The following MAPKAP1 variants were observed in gnomAD, a reference collection of about 807,000 sequenced individuals.
The protein encoded by MAPKAP1 is MAPK associated protein 1.
MAPKAP1 carries 20 observed loss-of-function variants against 65.7 expected under a neutral mutation model. The observed-to-expected ratio is 0.30, with a 90% CI of 0.21 to 0.44. MAPKAP1 has a LOEUF of 0.44. MAPKAP1 is among the 20% of genes least tolerant of loss of function. The probability of loss-of-function intolerance (pLI) is 1.00; values close to 1 mark genes in which losing one functional copy is unlikely to be tolerated. For missense variants in MAPKAP1, 423 were observed against 648.0 expected, an observed-to-expected ratio of 0.65 and a Z score of 3.77; for synonymous variants, 222 against 244.3, an observed-to-expected ratio of 0.91 and a Z score of 0.85.
chr9:125,498,833 T>C (rs1471208493), intron 8 of MAPKAP1, among the ~76,000 whole-genome samples: 2 of 152,090 alleles, frequency 1.3e-5, no homozygotes, highest in Non-Finnish European at 2.9e-5. Context: ...CCACTCTCCT[T>C]CCCTTTCCAT....
intron 1 of MAPKAP1, among the ~76,000 whole-genome samples, chr9:125,696,632 A>G (rs1385403603): frequency 6.6e-6 from 1 of 152,106 alleles, no homozygotes. Flanking sequence ...AAAAACCTTA[A>G]GCTTATCTAG....
Position 125,585,681 on chromosome 9 carries a change from G to C in MAPKAP1, c.545C>G (p.Pro182Arg). 6.2e-7 allele frequency: 1 copy of C among 1,614,260 alleles called. No homozygotes were observed. Among genetic ancestry groups the C allele is most frequent in the Non-Finnish European group, 8.5e-7 (1 of 1,180,050 alleles). The change falls in exon 5 of 12, where the codon CCT becomes CGT. Residue 182 changes from proline to arginine, a missense_variant. Physicochemically the swap from Pro to Arg is moderately radical, Grantham distance 103. This residue lies in a region of MAPKAP1 where 98 missense variants were observed against 200.5 expected (regional missense o/e 0.49). Coordinates refer to ENST00000265960, the MANE Select transcript of MAPKAP1 (RefSeq NM_001006617.3). The part of the protein sequence containing the change: ...TATKKIDVYL[P>R]LHSSQDRLLP... Reference sequence around the variant, plus strand: ...CAGTCTGTCCTGGCTCGAGTGCAGAGGGAGGTAGACATCGATCTTCTTGGT... The same window carrying C: ...CAGTCTGTCCTGGCTCGAGTGCAGACGGAGGTAGACATCGATCTTCTTGGT...
At chr9:125,703,897 G>A (rs945670701) in intron 1 of MAPKAP1, among the ~76,000 whole-genome samples, 8 of 152,128 alleles carry the variant, frequency 5.3e-5, no homozygotes, top group African/African-American at 1.9e-4. Flanking sequence ...ATTATCTTAG[G>A]CTGAATCATA....
At chr9:125,659,977 T>C (rs1024390400) in intron 3 of MAPKAP1, among the ~76,000 whole-genome samples, 2 of 152,202 alleles carry the variant, frequency 1.3e-5, no homozygotes, top group African/African-American at 2.4e-5. Context: ...CTTGGCAGCA[T>C]TTGACACGGT....
intron 2 of MAPKAP1, 26 bp downstream of exon 2, chr9:125,672,290 A>C: frequency 6.2e-7 from 1 of 1,610,952 alleles, no homozygotes; most frequent in Non-Finnish European, 8.5e-7. Context: ...AAAGCTCAGA[A>C]GACATGACTA....
rs748946505 is a variant in MAPKAP1, at chr9:125,484,528, T to C, written c.1122A>G (p.Val374=). The C allele has an allele frequency of 4.2e-5, 68 of 1,612,664 alleles. No individual in the cohort carries two copies. Among genetic ancestry groups the C allele is most frequent in the Non-Finnish European group, 5.5e-5 (65 of 1,179,386 alleles). Residue 374 remains valine (V), a synonymous_variant, in exon 9 of 12, where the codon GTA becomes GTG. Transcript: ENST00000265960. The part of the protein sequence containing the change: ...EEDSQIDIAT[V]QDMLSSHHYK... ...AATGGTGGCTGCTAAGCATATCCTGTACTGTGGCTATGTCAATTTGCGAAT... is the reference window on the plus strand; with the variant it reads ...AATGGTGGCTGCTAAGCATATCCTGCACTGTGGCTATGTCAATTTGCGAAT...
At chr9:125,632,174 A>G (rs985029272) in intron 4 of MAPKAP1, among the ~76,000 whole-genome samples, 1 of 149,754 alleles carries the variant, frequency 6.7e-6, no homozygotes, top group African/African-American at 2.5e-5. Context: ...GTGAGCTGAG[A>G]TCACGCCACT....
Position 125,438,730 on chromosome 9 carries a change from G to A in MAPKAP1, c.*157C>T, listed in dbSNP as rs1852375111. The A allele has an allele frequency of 3.1e-6, 3 of 975,556 alleles. No homozygotes were observed. Among genetic ancestry groups the A allele is most frequent in the Non-Finnish European group, 4.5e-6 (3 of 659,580 alleles). 60.4% of individuals were successfully genotyped at this position (975,556 alleles called of 1,614,324 possible). On this transcript the variant is annotated 3_prime_UTR_variant, in exon 12 of 12. Coordinates refer to ENST00000265960, the MANE Select transcript of MAPKAP1 (RefSeq NM_001006617.3). ...TGTCCCCAGCGCTCCCTCCTAGGGG[G>A]CCCCCGACACCTTCCCCGAGAGCCC...
chr9:125,688,816 C>A (rs1016061453), intron 1 of MAPKAP1, among the ~76,000 whole-genome samples: 1 of 152,178 alleles, frequency 6.6e-6, no homozygotes, highest in Non-Finnish European at 1.5e-5. Context: ...TTCTATAAAT[C>A]AGTAAACTTC....
At chr9:125,685,327 C>A (rs1222953150) in intron 1 of MAPKAP1, among the ~76,000 whole-genome samples, 2 of 152,126 alleles carry the variant, frequency 1.3e-5, no homozygotes, top group East Asian at 3.9e-4. Flanking sequence ...TGACTTAACA[C>A]CTGAAGGAGG....
At chr9:125,505,519 G>A (rs576102374) in intron 8 of MAPKAP1, among the ~76,000 whole-genome samples, 7 of 152,272 alleles carry the variant, frequency 4.6e-5, no homozygotes, top group Admixed American at 1.3e-4. Flanking sequence ...CACACGCGAC[G>A]GAGAAAAAGT....
intron 10 of MAPKAP1, among the ~76,000 whole-genome samples, chr9:125,457,300 T>C (rs2132958957): frequency 6.6e-6 from 1 of 152,326 alleles, no homozygotes; most frequent in South Asian, 2.1e-4. Flanking sequence ...ATTTAGTGAA[T>C]TTTTTGATTC....
chr9:125,706,509 C>G (rs117810489), intron 1 of MAPKAP1, among the ~76,000 whole-genome samples: 3,948 of 152,088 alleles, frequency 0.026, 72 homozygotes, highest in Non-Finnish European at 0.04. Flanking sequence ...CTCCTTGCCA[C>G]TCCCATAAAC....
chr9:125,479,959 G>A (rs141853871), intron 9 of MAPKAP1, among the ~76,000 whole-genome samples: 6 of 152,288 alleles, frequency 3.9e-5, no homozygotes, highest in Admixed American at 2.6e-4. Flanking sequence ...GAAGCACCTG[G>A]CTAGTCAGGT....
At chr9:125,529,262 A>T (rs1829867501) in intron 7 of MAPKAP1, among the ~76,000 whole-genome samples, 1 of 152,036 alleles carries the variant, frequency 6.6e-6, no homozygotes, top group Admixed American at 6.5e-5. Flanking sequence ...TTCCTATCAA[A>T]TGTGTTTTAT....
intron 7 of MAPKAP1, among the ~76,000 whole-genome samples, chr9:125,520,728 C>T (rs1829594210): frequency 6.6e-6 from 1 of 152,210 alleles, no homozygotes; most frequent in East Asian, 1.9e-4. Flanking sequence ...ACAAGCCCAT[C>T]CTGCTTAGTT....
chr9:125,520,699 G>GT (rs1313278892), intron 7 of MAPKAP1, among the ~76,000 whole-genome samples: 3 of 152,198 alleles, frequency 2.0e-5, no homozygotes, highest in African/African-American at 7.2e-5. Flanking sequence ...GGTATGTTTA[G>GT]TGATTATCTG....
At chr9:125,593,425 G>T (rs1252804697) in intron 4 of MAPKAP1, among the ~76,000 whole-genome samples, 1 of 152,188 alleles carries the variant, frequency 6.6e-6, no homozygotes, top group Non-Finnish European at 1.5e-5. Flanking sequence ...ACTTTGGGAG[G>T]CTGAGACGGA....
intron 8 of MAPKAP1, among the ~76,000 whole-genome samples, chr9:125,499,137 T>A (rs1828896696): frequency 6.6e-6 from 1 of 152,198 alleles, no homozygotes; most frequent in South Asian, 2.1e-4. Flanking sequence ...AAGGCCAGGA[T>A]GTGAACTGAG....
Sources: gnomAD v4.1 joint callset for allele counts (sites outside exome capture counted in the v4.1 genomes callset) on GRCh38, gnomAD v4.1.1 for gene constraint, gnomAD v4.1.1 regional missense constraint, MANE v1.5 for transcripts, NCBI Gene and HGNC (gene_info 2026-07-23, HGNC 2026-07-21) for gene names.